The following GOLGA3 variants were observed in gnomAD, a reference collection of about 807,000 sequenced individuals.
GOLGA3 encodes the protein golgin A3, also known as golgin subfamily A member 3.
GOLGA3 carries 75 observed loss-of-function variants against 169.4 expected under a neutral mutation model. The observed-to-expected ratio is 0.44, with a 90% CI of 0.37 to 0.54. GOLGA3 has a LOEUF of 0.54. Ranked by LOEUF, GOLGA3 falls within the 20% of genes least tolerant of loss-of-function variation. The pLI is 0.00. For synonymous variants in GOLGA3, 824 were observed against 822.4 expected (o/e 1.00, Z -0.03); for missense variants, 1,899 against 1,930.0 (o/e 0.98, Z 0.30).
chr12:132,779,919 C>T (rs968475869), intron 18 of GOLGA3, among the ~76,000 whole-genome samples: 7 of 133,746 alleles, frequency 5.2e-5, no homozygotes, highest in Non-Finnish European at 1.1e-4. Context: ...CACAGCCCCC[C>T]GCATGCACAC....
intron 1 of GOLGA3, among the ~76,000 whole-genome samples, chr12:132,824,836 A>G (rs1950346527): frequency 1.3e-5 from 2 of 152,162 alleles, no homozygotes; most frequent in African/African-American, 4.8e-5. Context: ...CAGGAAAAAC[A>G]CTGCGATCTC....
chr12:132,783,211 A>AATGGACACCACACAACCCTGCG lies in GOLGA3; in HGVS notation c.3268-740_3268-719dup, dbSNP rs138224302. Among the ~76,000 whole-genome samples, 973 of 150,974 alleles carry AATGGACACCACACAACCCTGCG rather than the reference A, an allele frequency of 6.4e-3. 19 individuals carry two copies. Among genetic ancestry groups the AATGGACACCACACAACCCTGCG allele is most frequent in the African/African-American group, 0.022 (906 of 41,182 alleles). ...TCTCAAGACAACAAAAACAAAGAAC[A>AATGGACACCACACAACCCTGCG]ATGGACACCACACAACCCTGCGATG... is the stretch of plus-strand genomic sequence containing the variant. On this transcript the variant is annotated intron_variant, in intron 16 of 23. Coordinates refer to ENST00000450791, the MANE Select transcript of GOLGA3 (RefSeq NM_001389683.1).
intron 21 of GOLGA3, among the ~76,000 whole-genome samples, chr12:132,775,775 G>A (rs1333213062): frequency 6.6e-6 from 1 of 152,164 alleles, no homozygotes; most frequent in Non-Finnish European, 1.5e-5. Flanking sequence ...AATTCTCACT[G>A]TAACTCAAGC....
intron 4 of GOLGA3, among the ~76,000 whole-genome samples, chr12:132,811,461 A>G (rs1949704425): frequency 1.3e-5 from 2 of 151,326 alleles, no homozygotes; most frequent in African/African-American, 4.9e-5. Flanking sequence ...ATAACTCTTC[A>G]TTTTTCATAC....
intron 1 of GOLGA3, among the ~76,000 whole-genome samples, chr12:132,827,072 C>T (rs947531269): frequency 4.6e-5 from 7 of 152,176 alleles, no homozygotes; most frequent in Non-Finnish European, 8.8e-5. Context: ...ACTGAGAAAC[C>T]ACCACCTCAG....
At chr12:132,774,979 G>T (rs1229474325) in intron 22 of GOLGA3, 162 bp downstream of exon 22, 2 of 593,882 alleles carry the variant, frequency 3.4e-6, no homozygotes, top group South Asian at 2.1e-5. Flanking sequence ...AGAATGAAAT[G>T]ATTTCATCTG....
intron 12 of GOLGA3, among the ~76,000 whole-genome samples, chr12:132,790,705 C>T (rs917562001): frequency 1.1e-4 from 16 of 151,942 alleles, no homozygotes; most frequent in Non-Finnish European, 1.9e-4. Flanking sequence ...AAGACCCCCA[C>T]CCCACTGTGG....
chr12:132,799,658 T>C (rs1035837212), intron 8 of GOLGA3, among the ~76,000 whole-genome samples: 2 of 151,962 alleles, frequency 1.3e-5, no homozygotes, highest in African/African-American at 4.8e-5. Context: ...AAACAGCAGA[T>C]AGGGCTCTGG....
At chr12:132,799,738 G>T (rs61951356) in intron 8 of GOLGA3, among the ~76,000 whole-genome samples, 2 of 151,830 alleles carry the variant, frequency 1.3e-5, no homozygotes, top group African/African-American at 4.8e-5. Context: ...CCTTGTTGTT[G>T]GTTTTTTTTT....
Position 132,784,023 on chromosome 12 carries a change from C to T in GOLGA3, c.3267+141G>A, listed in dbSNP as rs768689249. The T allele has an allele frequency of 2.9e-5, 44 of 1,520,504 alleles. 1 individual carries two copies. The highest frequency in any genetic ancestry group is 1.2e-4 in the East Asian group (5 of 40,726). The allele number at this position is 1,520,504 out of a possible 1,614,324, so 94.2% of individuals were successfully genotyped here. A position where few individuals can be genotyped will look rare whatever the true frequency, so the allele number is the denominator to read the frequency against. The stretch of plus-strand genomic sequence containing the variant: ...GCCCCACCACAGAGCCAGAGGCCGA[C>T]GGTCAGAAGGTGGCAACACCAAAAG... On this transcript the variant is annotated intron_variant, in intron 16 of 23. Transcript: ENST00000450791.
At chr12:132,818,924 G>C (rs987724319) in intron 2 of GOLGA3, among the ~76,000 whole-genome samples, 1 of 152,048 alleles carries the variant, frequency 6.6e-6, no homozygotes, top group Admixed American at 6.5e-5. Flanking sequence ...CCACTAAAAT[G>C]ATTATATACA....
At chr12:132,775,105 C>T (rs764780565) in intron 22 of GOLGA3, 36 bp downstream of exon 22, 20 of 1,591,300 alleles carry the variant, frequency 1.3e-5, no homozygotes, top group Admixed American at 1.7e-5. Context: ...CTACAGCGCA[C>T]GTCGGCTACC....
chr12:132,829,081 T>C (rs1443791263), upstream of GOLGA3, among the ~76,000 whole-genome samples: 1 of 152,174 alleles, frequency 6.6e-6, no homozygotes. Flanking sequence ...CTTTCCCTAG[T>C]AGAAACGCAA....
chr12:132,786,824 C>T (rs1411278779), intron 13 of GOLGA3, 37 bp from the exon 14 acceptor site: 14 of 1,351,784 alleles, frequency 1.0e-5, no homozygotes, highest in Non-Finnish European at 1.4e-5. Context: ...AGCGGCACTG[C>T]CACCCCCAGC....
rs767173714 is a variant in GOLGA3, at chr12:132,786,740, A to G, written c.2859T>C (p.Asn953=). 1.9e-6 allele frequency: 3 copies of G among 1,605,750 alleles called. No individual in the cohort carries two copies. The highest frequency in any genetic ancestry group is 2.5e-6 in the Non-Finnish European group (3 of 1,178,820). The change falls in exon 14 of 24, where the codon AAT becomes AAC. Residue 953 remains asparagine (N), a synonymous_variant. Transcript: ENST00000450791. ...KEQMVAVTEA[N]EALKKQIEEL... ...CTTCGATTTGTTTCTTCAGCGCCTC[A>G]TTGGCCTCTGTGACCGCGACCATCT... is the stretch of plus-strand genomic sequence containing the variant.
rs749033442 is a variant in GOLGA3, at chr12:132,784,192, C to T, written c.3239G>A (p.Arg1080Gln). 1.7e-5 allele frequency: 28 copies of T among 1,609,620 alleles called. No homozygotes were observed. The highest frequency in any genetic ancestry group is 3.3e-4 in the Middle Eastern group (2 of 6,084). The change falls in exon 16 of 24, where the codon CGG (arginine) becomes CAG (glutamine). Residue 1080 changes from arginine (R) to glutamine (Q), a missense_variant. Physicochemically the swap from Arg to Gln is conservative, Grantham distance 43. Coordinates refer to ENST00000450791, the MANE Select transcript of GOLGA3 (RefSeq NM_001389683.1). ...ALTSQELEES[R>Q]EKVLELEDEL... ...GTCCTCCAGCTCCAGCACCTTCTCC[C>T]GGGACTCCTCCAGCTCCTGGCTGGT... is the stretch of plus-strand genomic sequence containing the variant.
rs747449772 is a variant in GOLGA3 at position 132,807,914 on chromosome 12, A to G, written c.1155T>C (p.Ser385=). ...ACCTGCTGCAGATGCTGTCTCTCCG[A>G]CTCCGCACCTCCCCGTTGACCTCCT... ...QGQEVNGEVR[S]RRDSICSSVS... The change falls in exon 5 of 24, where the codon AGT becomes AGC. Residue 385 remains serine (S), a synonymous_variant. Coordinates refer to ENST00000450791, the MANE Select transcript of GOLGA3 (RefSeq NM_001389683.1). 6.5e-7 allele frequency: 1 copy of G among 1,528,204 alleles called. No individual in the cohort carries two copies. Among genetic ancestry groups the G allele is most frequent in the Admixed American group, 1.8e-5 (1 of 55,634 alleles). The allele number at this position is 1,528,204 out of a possible 1,614,324, so 94.7% of individuals were successfully genotyped here.
intron 2 of GOLGA3, among the ~76,000 whole-genome samples, chr12:132,820,557 A>G (rs894736843): frequency 2.0e-5 from 3 of 152,152 alleles, no homozygotes; most frequent in Admixed American, 6.6e-5. Context: ...GCGCCTGAGT[A>G]TCATTTTACA....
At chr12:132,782,706 G>A (rs778141803) in intron 16 of GOLGA3, among the ~76,000 whole-genome samples, 23 of 151,944 alleles carry the variant, frequency 1.5e-4, no homozygotes, top group South Asian at 6.2e-4. Flanking sequence ...GTGAAACCCC[G>A]TCCCTACTGA....
Sources: allele counts gnomAD v4.1 joint callset (sites outside exome capture counted in the v4.1 genomes callset), GRCh38; gene constraint gnomAD v4.1.1; transcripts MANE v1.5; gene names NCBI Gene and HGNC (gene_info 2026-07-23, HGNC 2026-07-21).